ELP4: variants seen among roughly 807,000 people sequenced by gnomAD.
ELP4 encodes the protein elongator acetyltransferase complex subunit 4, also known as elongator complex protein 4.
Under a neutral mutation model 48.9 loss-of-function variants are expected in ELP4, and 51 were observed. The ratio of observed to expected loss-of-function variants is 1.04; its 90% CI spans 0.83 to 1.32. The LOEUF (loss-of-function observed/expected upper bound fraction) is 1.32. Among genes scored for constraint, ELP4 ranks in the 40% most tolerant of loss-of-function variants. ELP4 has a pLI of 0.00. For synonymous variants in ELP4, 210 were observed against 189.2 expected, an observed-to-expected ratio of 1.11 and a Z score of -0.90; for missense variants, 519 against 514.6, an observed-to-expected ratio of 1.01 and a Z score of -0.08.
intron 1 of ELP4, among the ~76,000 whole-genome samples, chr11:31,519,093 G>C (rs954937329): frequency 2.0e-5 from 3 of 151,980 alleles, no homozygotes; most frequent in Admixed American, 6.6e-5. Flanking sequence ...AAGATTACAG[G>C]CCTGAGCCAC....
intron 9 of ELP4, among the ~76,000 whole-genome samples, chr11:31,695,481 A>G (rs1446162065): frequency 2.0e-5 from 3 of 151,654 alleles, no homozygotes; most frequent in Non-Finnish European, 2.9e-5. Context: ...CGTATGTTGA[A>G]CCACCCTTGC....
chr11:31,593,682 A>G (rs1307572155), intron 3 of ELP4, among the ~76,000 whole-genome samples: 1 of 152,142 alleles, frequency 6.6e-6, no homozygotes, highest in Non-Finnish European at 1.5e-5. Flanking sequence ...CAAACTCATA[A>G]CCACTATGCT....
chr11:31,514,317 A>G (rs186158986), intron 1 of ELP4, among the ~76,000 whole-genome samples: 1 of 152,172 alleles, frequency 6.6e-6, no homozygotes, highest in South Asian at 2.1e-4. Context: ...AAATCACCCA[A>G]GCTTGGTGGT....
chr11:31,658,617 A>G (rs1164003057), intron 9 of ELP4, among the ~76,000 whole-genome samples: 1 of 151,916 alleles, frequency 6.6e-6, no homozygotes, highest in African/African-American at 2.4e-5. Flanking sequence ...TTTAATTACA[A>G]TATATTATGA....
intron 2 of ELP4, among the ~76,000 whole-genome samples, chr11:31,537,761 C>T (rs1364229458): frequency 1.3e-5 from 2 of 152,094 alleles, no homozygotes; most frequent in African/African-American, 4.8e-5. Context: ...CACCATGAAC[C>T]AATCACCTCC....
At chr11:31,744,919 G>A (rs1947546391) in intron 9 of ELP4, among the ~76,000 whole-genome samples, 1 of 152,130 alleles carries the variant, frequency 6.6e-6, no homozygotes. Context: ...GAAATAAAGG[G>A]TATTCAATTA....
At chr11:31,725,186 G>C (rs540858947) in intron 9 of ELP4, among the ~76,000 whole-genome samples, 2 of 152,336 alleles carry the variant, frequency 1.3e-5, no homozygotes, top group South Asian at 2.1e-4. Flanking sequence ...AGATGTTTGA[G>C]TTTTTCAGAG....
chr11:31,602,590 A>G (rs1404095443), intron 4 of ELP4, among the ~76,000 whole-genome samples: 2 of 151,992 alleles, frequency 1.3e-5, no homozygotes, highest in Non-Finnish European at 2.9e-5. Flanking sequence ...AAGTATTTCT[A>G]TTAGACTTAA....
chr11:31,527,083 T>C (rs999231769), intron 2 of ELP4, among the ~76,000 whole-genome samples: 2 of 152,078 alleles, frequency 1.3e-5, no homozygotes, highest in Non-Finnish European at 2.9e-5. Flanking sequence ...TTGTCAGCCC[T>C]CTTCCTTTTT....
chr11:31,744,807 G>A (rs1265527926), intron 9 of ELP4, among the ~76,000 whole-genome samples: 9 of 152,058 alleles, frequency 5.9e-5, no homozygotes, highest in African/African-American at 2.2e-4. Context: ...AAAACTGGAA[G>A]CATTCCCTTT....
intron 1 of ELP4, among the ~76,000 whole-genome samples, chr11:31,515,848 C>T (rs1309721826): frequency 2.0e-5 from 3 of 152,192 alleles, no homozygotes; most frequent in Admixed American, 6.5e-5. Flanking sequence ...CAGTGGCTCA[C>T]GCCTGTAATC....
chr11:31,677,999 C>A (rs1945967735), intron 9 of ELP4, among the ~76,000 whole-genome samples: 1 of 152,106 alleles, frequency 6.6e-6, no homozygotes, highest in African/African-American at 2.4e-5. Flanking sequence ...TGTTCTCTAC[C>A]TATTCATCTT....
intron 3 of ELP4, among the ~76,000 whole-genome samples, chr11:31,576,969 CAAAA>C (rs1355440926): frequency 6.6e-6 from 1 of 151,744 alleles, no homozygotes; most frequent in Admixed American, 6.6e-5. Flanking sequence ...GATGGAGACA[CAAAA>C]AAACTTTTCA....
chr11:31,679,570 T>A (rs970188666), intron 9 of ELP4, among the ~76,000 whole-genome samples: 1 of 152,200 alleles, frequency 6.6e-6, no homozygotes, highest in Non-Finnish European at 1.5e-5. Flanking sequence ...CCAGTCATAT[T>A]GGATTAGGAC....
intron 9 of ELP4, among the ~76,000 whole-genome samples, chr11:31,769,097 C>A (rs562294082): frequency 9.9e-5 from 15 of 152,210 alleles, no homozygotes; most frequent in African/African-American, 3.1e-4. Context: ...CTACATTTGG[C>A]CCCATTAAAA....
intron 5 of ELP4, among the ~76,000 whole-genome samples, chr11:31,608,241 G>GA (rs769374428): frequency 7.2e-5 from 11 of 152,016 alleles, no homozygotes; most frequent in African/African-American, 1.2e-4. Context: ...TGGAGGGGAT[G>GA]AGGGAGAGAA....
chr11:31,737,376 A>G (rs1234697802), intron 9 of ELP4, among the ~76,000 whole-genome samples: 4 of 152,102 alleles, frequency 2.6e-5, no homozygotes, highest in Admixed American at 2.0e-4. Context: ...CTAAATGACA[A>G]GTTAATGAGT....
chr11:31,525,836 T>C (rs959785398), intron 2 of ELP4, among the ~76,000 whole-genome samples: 4 of 152,182 alleles, frequency 2.6e-5, no homozygotes, highest in African/African-American at 9.7e-5. Context: ...CTCGTTATCT[T>C]TGGTCATTAT....
chr11:31,663,763 A>T (rs185288512), intron 9 of ELP4: 1 of 152,010 alleles, frequency 6.6e-6, no homozygotes, highest in African/African-American at 2.4e-5. Flanking sequence ...TATTATTAAA[A>T]GTAATGTTGG....
Sources: allele counts gnomAD v4.1 joint callset (sites outside exome capture counted in the v4.1 genomes callset), GRCh38; gene constraint gnomAD v4.1.1; transcripts MANE v1.5; gene names NCBI Gene and HGNC (gene_info 2026-07-23, HGNC 2026-07-21).